Variants in UNC13C observed in about 807,000 individuals in gnomAD.
The protein encoded by UNC13C is protein unc-13 homolog C.
A neutral mutation model predicts 245.4 loss-of-function variants in UNC13C; 174 were observed. That is an observed-to-expected ratio of 0.71 (90% CI 0.63 to 0.80). The LOEUF (loss-of-function observed/expected upper bound fraction) is 0.80. UNC13C is among the 30% of genes least tolerant of loss of function. UNC13C has a pLI of 0.00. For synonymous variants in UNC13C, 992 were observed against 895.1 expected (o/e 1.11, Z -1.93); for missense variants, 2,829 against 2,602.9 (o/e 1.09, Z -1.89).
chr15:54,415,081 T>G lies in UNC13C; in HGVS notation c.4933+14T>G. ...ATGCATTAGAAGGTAATTATAAATA[T>G]TTATACTTATTCGAATACATGTTAG... On this transcript the variant is annotated intron_variant, in intron 19 of 32. Transcript: ENST00000260323. 6.4e-7 allele frequency: 1 copy of G among 1,556,548 alleles called. No homozygotes were observed. Among genetic ancestry groups the G allele is most frequent in the Non-Finnish European group, 8.8e-7 (1 of 1,135,426 alleles).
At chr15:54,377,205 A>T (rs1240291168) in intron 17 of UNC13C, among the ~76,000 whole-genome samples, 2 of 152,236 alleles carry the variant, frequency 1.3e-5, no homozygotes, top group Non-Finnish European at 2.9e-5. Context: ...TTTTAAGAGC[A>T]CATGTTCAAG....
chr15:54,040,051 C>G (rs552596193), intron 2 of UNC13C, among the ~76,000 whole-genome samples: 1 of 152,152 alleles, frequency 6.6e-6, no homozygotes, highest in Non-Finnish European at 1.5e-5. Context: ...GGCCTTTACG[C>G]TCTTTCCTCA....
At chr15:54,308,937 C>T (rs956288744) in intron 13 of UNC13C, among the ~76,000 whole-genome samples, 5 of 151,754 alleles carry the variant, frequency 3.3e-5, no homozygotes, top group African/African-American at 7.2e-5. Flanking sequence ...TTTCATATCT[C>T]GGCTATTGTG....
intron 2 of UNC13C, among the ~76,000 whole-genome samples, chr15:54,017,116 T>C (rs1462005238): frequency 6.6e-6 from 1 of 152,210 alleles, no homozygotes; most frequent in Non-Finnish European, 1.5e-5. Context: ...TTTGCCACTC[T>C]AAAAATCTAT....
At chr15:54,207,118 AT>A (rs2034739112) in intron 4 of UNC13C, among the ~76,000 whole-genome samples, 1 of 148,214 alleles carries the variant, frequency 6.7e-6, no homozygotes, top group South Asian at 2.2e-4. Context: ...GATGATGATG[AT>A]GATGATGATG....
intron 2 of UNC13C, among the ~76,000 whole-genome samples, chr15:54,026,679 T>G (rs1896122879): frequency 6.6e-6 from 1 of 152,238 alleles, no homozygotes; most frequent in African/African-American, 2.4e-5. Context: ...TTTGAGTGAT[T>G]TGATTAGTTC....
At chr15:54,527,341 T>C (rs1268491678) in intron 25 of UNC13C, among the ~76,000 whole-genome samples, 1 of 152,176 alleles carries the variant, frequency 6.6e-6, no homozygotes, top group East Asian at 1.9e-4. Flanking sequence ...GACTGTTGCC[T>C]TCAGTCACAG....
At chr15:54,320,752 C>T in intron 13 of UNC13C, 1 of 393,470 alleles carries the variant, frequency 2.5e-6, no homozygotes, top group South Asian at 2.2e-5. Context: ...GCCATAGCTA[C>T]TGCTGCTACT....
chr15:54,353,423 C>T lies in UNC13C; in HGVS notation c.4713+14934C>T, dbSNP rs547875961. Among the ~76,000 whole-genome samples, 22 of 152,234 alleles carry T rather than the reference C, an allele frequency of 1.4e-4. No individual in the cohort carries two copies. In the South Asian group the frequency reaches 4.4e-3, roughly 30 times the overall value. On this transcript the variant is annotated intron_variant, in intron 17 of 32. Transcript: ENST00000260323. ...GTCCCTACAAAGACCAGGGAAATGT[C>T]ACAATCAATCAATCAATCAATAAAA...
At chr15:54,571,979 A>AT (rs547542744) in intron 30 of UNC13C, among the ~76,000 whole-genome samples, 2 of 152,000 alleles carry the variant, frequency 1.3e-5, no homozygotes, top group African/African-American at 4.8e-5. Context: ...TTACTTACTT[A>AT]TTTTTTTAGC....
chr15:54,403,106 G>A (rs116268109), intron 18 of UNC13C, among the ~76,000 whole-genome samples: 3 of 152,162 alleles, frequency 2.0e-5, no homozygotes, highest in African/African-American at 4.8e-5. Flanking sequence ...CTTGCAGTTC[G>A]AGAAACAGTT....
At chr15:54,383,653 C>CT (rs1403423022) in intron 17 of UNC13C, among the ~76,000 whole-genome samples, 1 of 152,088 alleles carries the variant, frequency 6.6e-6, no homozygotes, top group African/African-American at 2.4e-5. Context: ...CAACATGGTG[C>CT]TGGAAGTCTT....
intron 13 of UNC13C, chr15:54,321,444 G>A (rs540452728): frequency 6.1e-6 from 3 of 489,898 alleles, no homozygotes; most frequent in Non-Finnish European, 1.2e-5. Context: ...TCTTGCATCT[G>A]CCTTTGCGGC....
chr15:54,497,237 A>G (rs1204663083), intron 20 of UNC13C, among the ~76,000 whole-genome samples: 2 of 152,134 alleles, frequency 1.3e-5, no homozygotes, highest in Non-Finnish European at 2.9e-5. Flanking sequence ...GGACTTGAGA[A>G]TCTAAGATCC....
rs1015494289 is a variant in UNC13C, at chr15:54,413,368, C to G, written c.4848-1614C>G. Among the ~76,000 whole-genome samples, 11 of 152,104 alleles carry G rather than the reference C, an allele frequency of 7.2e-5. No homozygotes were observed. The East Asian group carries it at 2.1e-3, about 29-fold the overall frequency. On this transcript the variant is annotated intron_variant, in intron 18 of 32. Coordinates refer to ENST00000260323, the MANE Select transcript of UNC13C (RefSeq NM_001080534.3). The stretch of plus-strand genomic sequence containing the variant: ...TGCCTTTTTATAAGCATAAAGTACT[C>G]TTATTATATCACTTATAATTTTGAT...
At chr15:54,338,274 A>G (rs545695031) in intron 16 of UNC13C, 87 bp from the exon 17 acceptor site, 15 of 1,386,476 alleles carry the variant, frequency 1.1e-5, no homozygotes, top group Admixed American at 2.2e-5. Flanking sequence ...GACTGAAAGT[A>G]TTTATTGAAT....
chr15:54,047,425 C>A (rs1481989175), intron 2 of UNC13C, among the ~76,000 whole-genome samples: 1 of 151,990 alleles, frequency 6.6e-6, no homozygotes, highest in African/African-American at 2.4e-5. Context: ...CCTTCCTTCT[C>A]CCCACCTGTC....
At chr15:54,350,811 T>C (rs1242597648) in intron 17 of UNC13C, among the ~76,000 whole-genome samples, 1 of 152,240 alleles carries the variant, frequency 6.6e-6, no homozygotes, top group Non-Finnish European at 1.5e-5. Context: ...TTTATTTTAA[T>C]GTGTTCCTTC....
At chr15:54,103,910 A>G (rs933350445) in intron 2 of UNC13C, among the ~76,000 whole-genome samples, 1 of 151,884 alleles carries the variant, frequency 6.6e-6, no homozygotes, top group East Asian at 1.9e-4. Context: ...ATGCCCAGCT[A>G]ATTTTTGTAT....
Sources: gnomAD v4.1 joint callset for allele counts (sites outside exome capture counted in the v4.1 genomes callset) on GRCh38, gnomAD v4.1.1 for gene constraint, MANE v1.5 for transcripts, NCBI Gene and HGNC (gene_info 2026-07-23, HGNC 2026-07-21) for gene names.